LRMDA: variants seen among roughly 807,000 people sequenced by gnomAD.
LRMDA encodes the protein leucine-rich melanocyte differentiation-associated protein.
LRMDA carries 18 observed loss-of-function variants against 29.8 expected under a neutral mutation model. The ratio of observed to expected loss-of-function variants is 0.60; its 90% confidence interval spans 0.42 to 0.90. The LOEUF (loss-of-function observed/expected upper bound fraction) is 0.90, where lower values mean the gene tolerates loss of function less well. Among genes scored for constraint, LRMDA ranks in the 40% least tolerant of loss-of-function variants. The pLI is 0.00. For missense variants in LRMDA, 273 were observed against 273.9 expected (o/e 1.00, Z 0.02); for synonymous variants, 125 against 109.4 (o/e 1.14, Z -0.89).
At chr10:76,125,578 C>T (rs2132129555) in intron 5 of LRMDA, among the ~76,000 whole-genome samples, 1 of 152,190 alleles carries the variant, frequency 6.6e-6, no homozygotes, top group South Asian at 2.1e-4. Flanking sequence ...AGTAAAATTG[C>T]CTACCATCTG....
At chr10:76,425,158 C>T (rs1329370765) in intron 6 of LRMDA, among the ~76,000 whole-genome samples, 1 of 152,078 alleles carries the variant, frequency 6.6e-6, no homozygotes, top group Non-Finnish European at 1.5e-5. Context: ...TATAACAGAT[C>T]GCCATCAAAT....
chr10:75,530,549 C>T (rs1350910191), intron 2 of LRMDA, among the ~76,000 whole-genome samples: 1 of 152,130 alleles, frequency 6.6e-6, no homozygotes, highest in Non-Finnish European at 1.5e-5. Flanking sequence ...GTGAAGGGCA[C>T]CCCCATTCCT....
chr10:76,361,748 G>A (rs1416168851), intron 6 of LRMDA, among the ~76,000 whole-genome samples: 1 of 152,164 alleles, frequency 6.6e-6, no homozygotes, highest in Non-Finnish European at 1.5e-5. Flanking sequence ...ATATGTGCCA[G>A]AAACCTAGAA....
intron 2 of LRMDA, among the ~76,000 whole-genome samples, chr10:75,756,903 C>T (rs956536742): frequency 3.9e-5 from 6 of 152,200 alleles, no homozygotes; most frequent in Non-Finnish European, 8.8e-5. Flanking sequence ...ATCACTTTCT[C>T]AATCATTTAG....
chr10:76,425,962 T>A (rs181744668), intron 6 of LRMDA, among the ~76,000 whole-genome samples: 4 of 152,348 alleles, frequency 2.6e-5, no homozygotes, highest in Admixed American at 2.6e-4. Flanking sequence ...TAGTATTCCA[T>A]GGTGTATATG....
chr10:75,718,837 G>A (rs1410888575), intron 2 of LRMDA, among the ~76,000 whole-genome samples: 1 of 152,184 alleles, frequency 6.6e-6, no homozygotes, highest in Non-Finnish European at 1.5e-5. Flanking sequence ...GGTTACTATA[G>A]TCATATTAAC....
intron 2 of LRMDA, among the ~76,000 whole-genome samples, chr10:75,495,924 T>A (rs769350236): frequency 1.3e-4 from 20 of 152,212 alleles, no homozygotes; most frequent in Non-Finnish European, 2.4e-4. Context: ...CAGGATGATG[T>A]TGCAGATGAC....
At chr10:75,620,017 A>T (rs1841160609) in intron 2 of LRMDA, among the ~76,000 whole-genome samples, 1 of 152,094 alleles carries the variant, frequency 6.6e-6, no homozygotes, top group South Asian at 2.1e-4. Flanking sequence ...TGTCATCCAC[A>T]CTCATCTTGG....
chr10:76,502,972 T>C (rs1378461662), intron 6 of LRMDA, among the ~76,000 whole-genome samples: 1 of 151,942 alleles, frequency 6.6e-6, no homozygotes, highest in African/African-American at 2.4e-5. Context: ...CTTGTTACAG[T>C]TCTCCCAGGG....
Position 75,697,850 on chromosome 10 carries a change from T to TGTGTGTGCGC in LRMDA, c.131+259357_131+259358insTGTGTGCGCG, listed in dbSNP as rs10664076. Reference sequence around the variant, plus strand: ...GCATGTAAGAGTGTGTGTGTGTGTGTGCGTGTGTGTGTGTGTCTCATTCGC... The same window carrying TGTGTGTGCGC: ...GCATGTAAGAGTGTGTGTGTGTGTGTGTGTGTGCGCGCGTGTGTGTGTGTGTCTCATTCGC... On this transcript the variant is annotated intron_variant, in intron 2 of 6. Coordinates refer to ENST00000611255, the MANE Select transcript of LRMDA (RefSeq NM_001305581.2). 3.3e-5 allele frequency among the ~76,000 whole-genome samples: 5 copies of TGTGTGTGCGC among 151,704 alleles called. No homozygotes were observed. In the East Asian group the frequency reaches 5.8e-4, roughly 18 times the overall value.
chr10:76,383,002 G>T (rs1013652538), intron 6 of LRMDA, among the ~76,000 whole-genome samples: 1 of 152,192 alleles, frequency 6.6e-6, no homozygotes, highest in African/African-American at 2.4e-5. Context: ...GTTTTTAGTG[G>T]GTTTTATAGG....
chr10:75,563,141 A>C (rs574765669), intron 2 of LRMDA, among the ~76,000 whole-genome samples: 1 of 152,016 alleles, frequency 6.6e-6, no homozygotes, highest in Non-Finnish European at 1.5e-5. Context: ...ACTTGGTTCC[A>C]TTCTCCCCGT....
chr10:76,401,347 G>A lies in LRMDA; in HGVS notation c.601+76862G>A, dbSNP rs913478117. 3.9e-5 allele frequency among the ~76,000 whole-genome samples: 6 copies of A among 152,082 alleles called. No individual in the cohort carries two copies. In the East Asian group the frequency reaches 9.6e-4, roughly 24 times the overall value. On this transcript the variant is annotated intron_variant, in intron 6 of 6. Coordinates refer to ENST00000611255, the MANE Select transcript of LRMDA (RefSeq NM_001305581.2). Reference sequence around the variant, plus strand: ...TTATTCTTTTATTCCTTCCTTTACCGCATACCTGGCATTGTCCTAGGGGCT... The same window carrying A: ...TTATTCTTTTATTCCTTCCTTTACCACATACCTGGCATTGTCCTAGGGGCT...
At chr10:76,437,751 A>G (rs1012953655) in intron 6 of LRMDA, among the ~76,000 whole-genome samples, 4 of 152,174 alleles carry the variant, frequency 2.6e-5, no homozygotes, top group African/African-American at 9.7e-5. Context: ...CTACTTTGGG[A>G]TGCTCATTTG....
At chr10:75,762,557 T>G (rs1843110750) in intron 2 of LRMDA, among the ~76,000 whole-genome samples, 1 of 152,236 alleles carries the variant, frequency 6.6e-6, no homozygotes, top group Non-Finnish European at 1.5e-5. Flanking sequence ...TAAACCGCTG[T>G]GGACTTTGGA....
rs114191414 is a variant in LRMDA, at chr10:76,115,643, C to G, written c.516+56860C>G. ...TGAGAGAGCAGACCATCTGATTAAGCCCCTCTGTGTCATAGAACATGATTA... is the reference window on the plus strand; with the variant it reads ...TGAGAGAGCAGACCATCTGATTAAGGCCCTCTGTGTCATAGAACATGATTA... On this transcript the variant is annotated intron_variant, in intron 5 of 6. Transcript: ENST00000611255. Among the ~76,000 whole-genome samples, 142 of 152,308 alleles carry G rather than the reference C, an allele frequency of 9.3e-4. 2 individuals are homozygous for G. The highest frequency in any genetic ancestry group is 3.4e-3 in the African/African-American group (140 of 41,552).
At chr10:75,699,878 G>A (rs1015760482) in intron 2 of LRMDA, among the ~76,000 whole-genome samples, 3 of 152,188 alleles carry the variant, frequency 2.0e-5, no homozygotes, top group Admixed American at 2.0e-4. Context: ...GAGGCAGAGG[G>A]AAATTTGGTA....
chr10:76,383,135 A>C (rs1418241602), intron 6 of LRMDA, among the ~76,000 whole-genome samples: 1 of 152,200 alleles, frequency 6.6e-6, no homozygotes, highest in East Asian at 1.9e-4. Flanking sequence ...TGAATTTACA[A>C]GTGTGTCTCC....
intron 6 of LRMDA, among the ~76,000 whole-genome samples, chr10:76,362,118 C>T (rs1306212308): frequency 6.6e-6 from 1 of 152,188 alleles, no homozygotes; most frequent in Non-Finnish European, 1.5e-5. Context: ...CCACATAACA[C>T]GACACTGCCA....
Sources: allele counts gnomAD v4.1 joint callset (sites outside exome capture counted in the v4.1 genomes callset), GRCh38; gene constraint gnomAD v4.1.1; transcripts MANE v1.5; gene names NCBI Gene and HGNC (gene_info 2026-07-23, HGNC 2026-07-21).